PLPPR5: variants seen among roughly 807,000 people sequenced by gnomAD.
PLPPR5 encodes phospholipid phosphatase-related protein type 5.
A neutral mutation model predicts 33.9 loss-of-function variants in PLPPR5; 16 were observed. That is an observed-to-expected ratio of 0.47 (90% confidence interval 0.32 to 0.72). The LOEUF (loss-of-function observed/expected upper bound fraction) is 0.72. Among genes scored for constraint, PLPPR5 ranks in the 30% least tolerant of loss-of-function variants. PLPPR5 has a pLI of 0.03. For synonymous variants in PLPPR5, 163 were observed against 150.3 expected, an observed-to-expected ratio of 1.08 and a Z score of -0.62; for missense variants, 301 against 406.7, an observed-to-expected ratio of 0.74 and a Z score of 2.23.
At chr1:98,942,878 T>C (rs777563774) in intron 3 of PLPPR5, among the ~76,000 whole-genome samples, 1 of 152,142 alleles carries the variant, frequency 6.6e-6, no homozygotes, top group Non-Finnish European at 1.5e-5. Flanking sequence ...CAGTGATACC[T>C]TTCCTCTGCA....
Position 99,004,438 on chromosome 1 carries a change from G to A in PLPPR5, c.234C>T (p.Leu78=), listed in dbSNP as rs748923596. 19 of 1,602,894 alleles carry A rather than the reference G, an allele frequency of 1.2e-5. No individual in the cohort carries two copies. Among genetic ancestry groups the A allele is most frequent in the South Asian group, 1.0e-4 (9 of 90,022 alleles). ...LYSLAAGVPV[L]VIIVGETAVF... ...GGGCGAGCGCCCCCGGGCTTACCAC[G>A]AGCACGGGGACCCCGGCGGCCAGCG... The change falls in exon 1 of 6, where the codon CTC becomes CTT. Residue 78 remains leucine (L), a synonymous_variant. Transcript: ENST00000263177.
At chr1:98,907,060 C>T (rs58724269) in intron 5 of PLPPR5, among the ~76,000 whole-genome samples, 29,765 of 151,904 alleles carry the variant, frequency 0.2, 3,143 homozygotes, top group African/African-American at 0.22. Flanking sequence ...AATCCCACCA[C>T]GGCATTATTT....
intron 1 of PLPPR5, among the ~76,000 whole-genome samples, chr1:98,981,810 T>A (rs924756936): frequency 1.3e-5 from 2 of 152,102 alleles, no homozygotes; most frequent in African/African-American, 4.8e-5. Context: ...TTGCACTTGT[T>A]TGATATTTCA....
intron 5 of PLPPR5, among the ~76,000 whole-genome samples, chr1:98,907,452 C>T (rs534066508): frequency 1.8e-4 from 28 of 152,172 alleles, no homozygotes; most frequent in African/African-American, 6.3e-4. Flanking sequence ...CCTTGGCCTC[C>T]CAAAGTGCTG....
intron 5 of PLPPR5, among the ~76,000 whole-genome samples, chr1:98,902,554 T>C (rs1012177279): frequency 3.3e-5 from 5 of 152,130 alleles, no homozygotes; most frequent in Admixed American, 3.3e-4. Context: ...ATTTACCTAG[T>C]TTTAGTCAAA....
intron 3 of PLPPR5, among the ~76,000 whole-genome samples, chr1:98,945,206 T>C (rs1185720418): frequency 1.3e-5 from 2 of 152,156 alleles, no homozygotes; most frequent in African/African-American, 2.4e-5. Context: ...GCAGAACATA[T>C]AAAAATTATA....
chr1:98,922,298 A>G (rs1649585377), intron 3 of PLPPR5, among the ~76,000 whole-genome samples: 1 of 152,214 alleles, frequency 6.6e-6, no homozygotes, highest in African/African-American at 2.4e-5. Flanking sequence ...AATTCTTAGC[A>G]TAACATTCTT....
chr1:98,941,132 A>C (rs1464663330), intron 3 of PLPPR5, among the ~76,000 whole-genome samples: 1 of 151,906 alleles, frequency 6.6e-6, no homozygotes, highest in Admixed American at 6.6e-5. Flanking sequence ...GTTGGAAGGG[A>C]TAACAGAGGG....
intron 4 of PLPPR5, among the ~76,000 whole-genome samples, chr1:98,918,902 C>G (rs1006313003): frequency 6.6e-6 from 1 of 152,056 alleles, no homozygotes; most frequent in Non-Finnish European, 1.5e-5. Context: ...TCCTCTGTAC[C>G]AGACCTTGTT....
Position 99,004,697 on chromosome 1 carries a change from C to G in PLPPR5, c.-26G>C. On this transcript the variant is annotated 5_prime_UTR_variant, in exon 1 of 6. Transcript: ENST00000263177. ...GCACGCCTCCCGGGCCGGGCCGAGC[C>G]GAGCCGAGCGGGCGGTCGACGCGGT... The G allele has an allele frequency of 3.4e-6, 5 of 1,476,744 alleles. No homozygotes were observed. The highest frequency in any genetic ancestry group is 4.5e-6 in the Non-Finnish European group (5 of 1,105,476). 91.5% of individuals were successfully genotyped at this position (1,476,744 alleles called of 1,614,324 possible).
intron 3 of PLPPR5, among the ~76,000 whole-genome samples, chr1:98,922,604 C>T (rs1183360360): frequency 6.6e-6 from 1 of 152,192 alleles, no homozygotes; most frequent in Non-Finnish European, 1.5e-5. Flanking sequence ...AGATTCAATG[C>T]AATGCCGAGG....
chr1:98,912,241 C>T (rs1439997754), intron 5 of PLPPR5, among the ~76,000 whole-genome samples: 1 of 152,118 alleles, frequency 6.6e-6, no homozygotes, highest in Admixed American at 6.6e-5. Flanking sequence ...ATTTCTTAAC[C>T]ATTTGGAAGT....
At chr1:98,949,938 T>A (rs1205151571) in intron 3 of PLPPR5, among the ~76,000 whole-genome samples, 7 of 152,224 alleles carry the variant, frequency 4.6e-5, no homozygotes, top group Non-Finnish European at 7.3e-5. Context: ...TGAACCAATG[T>A]TTAACAGTAC....
chr1:98,900,995 G>T (rs1648676322), intron 5 of PLPPR5, among the ~76,000 whole-genome samples: 1 of 152,088 alleles, frequency 6.6e-6, no homozygotes, highest in Non-Finnish European at 1.5e-5. Flanking sequence ...TTATCTAAAA[G>T]AAATAAAATA....
At chr1:98,935,528 A>G (rs1650142902) in intron 3 of PLPPR5, among the ~76,000 whole-genome samples, 1 of 152,190 alleles carries the variant, frequency 6.6e-6, no homozygotes, top group African/African-American at 2.4e-5. Context: ...AATAGAAAGT[A>G]CCCAATAAGA....
rs1036488114 is a variant in PLPPR5 at position 98,891,710 on chromosome 1, A to G, written c.*1362T>C. On this transcript the variant is annotated 3_prime_UTR_variant, in exon 6 of 6. Transcript: ENST00000263177. ...GATTATAATTATTATATAGTTTTAT[A>G]TTTGAAAAGTGTTCATTCTTAAAAC... 2 of 152,114 alleles carry G rather than the reference A, an allele frequency of 1.3e-5. No homozygotes were observed. Among genetic ancestry groups the G allele is most frequent in the African/African-American group, 2.4e-5 (1 of 41,426 alleles). 9.4% of individuals were successfully genotyped at this position (152,114 alleles called of 1,614,324 possible). A position where few individuals can be genotyped will look rare whatever the true frequency, so the allele number is the denominator to read the frequency against.
chr1:98,897,444 T>C (rs1298666932), intron 5 of PLPPR5, among the ~76,000 whole-genome samples: 1 of 152,208 alleles, frequency 6.6e-6, no homozygotes, highest in Non-Finnish European at 1.5e-5. Flanking sequence ...TTGTCTTAAT[T>C]TATTCAAAGT....
At chr1:98,906,257 G>A (rs1042631555) in intron 5 of PLPPR5, among the ~76,000 whole-genome samples, 12 of 150,018 alleles carry the variant, frequency 8.0e-5, no homozygotes, top group African/African-American at 3.0e-4. Flanking sequence ...TATATACTAG[G>A]TATATAGTAT....
At chr1:98,981,106 T>A (rs1207645371) in intron 1 of PLPPR5, among the ~76,000 whole-genome samples, 1 of 152,096 alleles carries the variant, frequency 6.6e-6, no homozygotes, top group African/African-American at 2.4e-5. Flanking sequence ...ACCAATATTA[T>A]ATTTTTTCTC....
Sources: gnomAD v4.1 joint callset for allele counts (sites outside exome capture counted in the v4.1 genomes callset) on GRCh38, gnomAD v4.1.1 for gene constraint, MANE v1.5 for transcripts, NCBI Gene and HGNC (gene_info 2026-07-23, HGNC 2026-07-21) for gene names.